Variants in UTP20 observed in about 807,000 individuals in gnomAD.
UTP20 encodes the protein UTP20 small subunit processome component.
UTP20 carries 164 observed loss-of-function variants against 329.5 expected under a neutral mutation model. The ratio of observed to expected loss-of-function variants is 0.50; its 90% CI spans 0.44 to 0.57. UTP20 has a LOEUF of 0.57. Ranked by LOEUF, UTP20 falls within the 20% of genes least tolerant of loss-of-function variation. The pLI, the probability that UTP20 is intolerant of heterozygous loss-of-function variation, is 0.00. For synonymous variants in UTP20, 1,151 were observed against 1,159.3 expected (o/e 0.99, Z 0.14); for missense variants, 3,055 against 3,284.2 (o/e 0.93, Z 1.71).
chr12:101,293,038 G>A (rs550223764), intron 10 of UTP20, 130 bp from the exon 11 acceptor site: 50 of 849,422 alleles, frequency 5.9e-5, no homozygotes, highest in Non-Finnish European at 8.5e-5. Context: ...AGCACCTTTG[G>A]AGAAGGCCGG....
chr12:101,332,971 C>G (rs918929125), intron 27 of UTP20, among the ~76,000 whole-genome samples: 1 of 152,082 alleles, frequency 6.6e-6, no homozygotes, highest in Admixed American at 6.5e-5. Flanking sequence ...ATGTTCTGTT[C>G]ATGGGAAGAA....
chr12:101,356,314 C>T (rs1435583705), intron 41 of UTP20, among the ~76,000 whole-genome samples: 7 of 152,040 alleles, frequency 4.6e-5, no homozygotes, highest in African/African-American at 1.4e-4. Flanking sequence ...TTAGTAGAGA[C>T]GGGGTTTCTC....
chr12:101,362,882 C>T (rs1252044617), intron 44 of UTP20, among the ~76,000 whole-genome samples: 1 of 132,630 alleles, frequency 7.5e-6, no homozygotes, highest in Admixed American at 7.0e-5. Context: ...CCTGTAATCC[C>T]AGCACTTTGG....
intron 12 of UTP20, among the ~76,000 whole-genome samples, chr12:101,297,998 T>G (rs930195839): frequency 5.3e-5 from 8 of 152,200 alleles, no homozygotes; most frequent in African/African-American, 1.9e-4. Flanking sequence ...AATGGTCACC[T>G]TTGTTTTGAT....
intron 32 of UTP20, among the ~76,000 whole-genome samples, chr12:101,341,146 T>G (rs1264070512): frequency 2.0e-5 from 3 of 151,878 alleles, no homozygotes; most frequent in Non-Finnish European, 4.4e-5. Context: ...CAGCTAGTTT[T>G]TTTGTATTTT....
chr12:101,376,212 ACCT>A (rs1345297003), intron 56 of UTP20, among the ~76,000 whole-genome samples: 1 of 152,126 alleles, frequency 6.6e-6, no homozygotes, highest in Non-Finnish European at 1.5e-5. Flanking sequence ...TCCTGTTTGT[ACCT>A]AAGTAAGCAT....
chr12:101,379,977 A>G (rs190296922), intron 57 of UTP20, among the ~76,000 whole-genome samples: 239 of 152,064 alleles, frequency 1.6e-3, no homozygotes, highest in African/African-American at 5.3e-3. Context: ...ACGCCACCAC[A>G]CCCAGCTAAT....
intron 21 of UTP20, among the ~76,000 whole-genome samples, chr12:101,314,028 T>G (rs1241604388): frequency 6.6e-6 from 1 of 152,216 alleles, no homozygotes; most frequent in Non-Finnish European, 1.5e-5. Flanking sequence ...ATGGATGGTA[T>G]TTTAAATGAT....
intron 10 of UTP20, among the ~76,000 whole-genome samples, chr12:101,292,767 T>C (rs1872207071): frequency 6.6e-6 from 1 of 152,222 alleles, no homozygotes; most frequent in Non-Finnish European, 1.5e-5. Context: ...GGTTTTATCC[T>C]GCATTAGTGG....
In UTP20 at chr12:101,342,493, T is replaced by C. The variant is rs1423127428; in HGVS notation, c.4149T>C (p.His1383=). The C allele has an allele frequency of 1.2e-6, 2 of 1,612,602 alleles. No individual in the cohort carries two copies. Among genetic ancestry groups the C allele is most frequent in the Non-Finnish European group, 1.7e-6 (2 of 1,179,516 alleles). Residue 1383 remains histidine (H), a synonymous_variant, in exon 33 of 62, where the codon CAT becomes CAC. Transcript: ENST00000261637. ...ILVTVQNLLK[H]CVDPTSFLKP... Reference sequence around the variant, plus strand: ...TGACAGTACAAAACTTGTTAAAGCATTGTGTGGACCCTACAAGCTTCCTCA... The same window carrying C: ...TGACAGTACAAAACTTGTTAAAGCACTGTGTGGACCCTACAAGCTTCCTCA...
chr12:101,317,661 A>C lies in UTP20; in HGVS notation c.2736A>C (p.Ala912=). Residue 912 remains alanine, a splice_region_variant and synonymous_variant, in exon 22 of 62, where the codon GCA becomes GCC. Coordinates refer to ENST00000261637, the MANE Select transcript of UTP20 (RefSeq NM_014503.3). ...AGAAAAAGACGAGGAGAGCTGCAGC[A>C]AAGTAAGTTCACCATTGCTGAAAGA... ...SQKKKTRRAA[A]KQLIAHLQVF... is the part of the protein sequence containing the mutation. The C allele has an allele frequency of 6.2e-7, 1 of 1,605,908 alleles. No individual in the cohort carries two copies. Among genetic ancestry groups the C allele is most frequent in the Non-Finnish European group, 8.5e-7 (1 of 1,176,478 alleles).
At position 101,280,192 on chromosome 12, in the gene UTP20, TA is replaced by T. The variant is rs1250796310; in HGVS notation, c.-90del. 2 of 1,483,942 alleles carry T rather than the reference TA, an allele frequency of 1.3e-6. No individual in the cohort carries two copies. Among genetic ancestry groups the T allele is most frequent in the Non-Finnish European group, 1.8e-6 (2 of 1,089,128 alleles). 91.9% of individuals were successfully genotyped at this position (1,483,942 alleles called of 1,614,324 possible). ...GTCTGGGCATCTGGGAATCGGAGAG[TA>T]TAGCCTGTGAGCCGCTTTCCCCTCC... is the stretch of plus-strand genomic sequence containing the variant. On this transcript the variant is annotated 5_prime_UTR_variant, in exon 1 of 62. Transcript: ENST00000261637.
chr12:101,290,689 A>T, intron 7 of UTP20, 44 bp from the exon 8 acceptor site: 3 of 1,550,574 alleles, frequency 1.9e-6, no homozygotes, highest in Non-Finnish European at 2.6e-6. Flanking sequence ...AATACTTGAA[A>T]ATAAGAGTTT....
intron 14 of UTP20, 94 bp from the exon 15 acceptor site, chr12:101,302,354 C>A: frequency 2.8e-6 from 2 of 721,102 alleles, no homozygotes; most frequent in East Asian, 2.9e-5. Flanking sequence ...TAAGAACTTC[C>A]CATAAGTAGC....
At chr12:101,375,847 A>T in intron 56 of UTP20, 91 bp downstream of exon 56, 4 of 776,356 alleles carry the variant, frequency 5.2e-6, no homozygotes, top group South Asian at 1.9e-5. Flanking sequence ...TGAATACTTC[A>T]GAAAGTATAC....
chr12:101,291,893 G>A lies in UTP20; in HGVS notation c.1038+5G>A. 1 of 1,609,832 alleles carries A rather than the reference G, an allele frequency of 6.2e-7. No individual in the cohort carries two copies. The highest frequency in any genetic ancestry group is 2.2e-5 in the East Asian group (1 of 44,838). On this transcript the variant is annotated splice_donor_5th_base_variant and intron_variant, in intron 9 of 61. Coordinates refer to ENST00000261637, the MANE Select transcript of UTP20 (RefSeq NM_014503.3). The stretch of plus-strand genomic sequence containing the variant: ...ACGCCTGCTGATGTCTGTAAGGTGA[G>A]TTCCCAACTTAATATGCTCGAGAGT...
intron 54 of UTP20, 26 bp from the exon 55 acceptor site, chr12:101,374,782 A>G: frequency 1.1e-6 from 1 of 891,630 alleles, no homozygotes; most frequent in Non-Finnish European, 1.9e-6. Flanking sequence ...TTCTCTTGAC[A>G]TTGTCTTGTG....
intron 44 of UTP20, among the ~76,000 whole-genome samples, chr12:101,363,034 G>A (rs887716933): frequency 7.6e-5 from 10 of 131,586 alleles, no homozygotes; most frequent in Non-Finnish European, 1.5e-4. Context: ...TTAGGAGGCT[G>A]AGACACGAGA....
Position 101,363,717 on chromosome 12 carries a change from A to G in UTP20, c.5932A>G (p.Thr1978Ala), listed in dbSNP as rs1461113732. 1 of 1,609,994 alleles carries G rather than the reference A, an allele frequency of 6.2e-7. No individual in the cohort carries two copies. The highest frequency in any genetic ancestry group is 2.2e-5 in the East Asian group (1 of 44,866). Residue 1978 changes from threonine (T) to alanine (A), a missense_variant, in exon 45 of 62, where the codon ACA becomes GCA. This residue lies in a region of UTP20 where 2,445 missense variants were observed against 2,575.5 expected (regional missense o/e 0.95). Transcript: ENST00000261637. The stretch of plus-strand genomic sequence containing the variant: ...CAAGTTTGTAGGAAAAGATCAGGTT[A>G]CAAAACTCATCCTTCCATTAAAAGA... ...LGKFVGKDQV[T>A]KLILPLKEIL...
Sources: gnomAD v4.1 joint callset for allele counts (sites outside exome capture counted in the v4.1 genomes callset) on GRCh38, gnomAD v4.1.1 for gene constraint, gnomAD v4.1.1 regional missense constraint, MANE v1.5 for transcripts, NCBI Gene and HGNC (gene_info 2026-07-23, HGNC 2026-07-21) for gene names.